Variants in TOP6BL observed in about 807,000 individuals in gnomAD.
TOP6BL encodes the protein type 2 DNA topoisomerase 6 subunit B-like.
At chr11:66,757,327 ACT>A in the TOP6BL span, among the ~76,000 whole-genome samples, 3 of 152,004 alleles carry the variant, frequency 2.0e-5, no homozygotes, top group Non-Finnish European at 2.9e-5. Flanking sequence ...TGGGCGACAG[ACT>A]CTGTCTCAGT....
chr11:66,782,997 T>C, the TOP6BL span, among the ~76,000 whole-genome samples: 1 of 152,168 alleles, frequency 6.6e-6, no homozygotes, highest in Admixed American at 6.5e-5. Flanking sequence ...TGAGGACTTG[T>C]AGATGGTAAA....
At chr11:66,798,103 G>A in the TOP6BL span, among the ~76,000 whole-genome samples, 1 of 152,106 alleles carries the variant, frequency 6.6e-6, no homozygotes, top group Non-Finnish European at 1.5e-5. Context: ...TTGAACTCAG[G>A]CAGTCTGGTT....
chr11:66,809,038 G>A, the TOP6BL span, among the ~76,000 whole-genome samples: 1 of 152,048 alleles, frequency 6.6e-6, no homozygotes, highest in Admixed American at 6.6e-5. Flanking sequence ...TCCGCCTCCC[G>A]GGTTCATGCC....
At chr11:66,761,933 C>A in the TOP6BL span, 1 of 1,470,258 alleles carries the variant, frequency 6.8e-7, no homozygotes, top group Non-Finnish European at 9.5e-7. Context: ...GAGTTGATAT[C>A]AATTCAGGGT....
chr11:66,746,629 G>A, the TOP6BL span, among the ~76,000 whole-genome samples: 10 of 152,122 alleles, frequency 6.6e-5, no homozygotes, highest in East Asian at 1.7e-3. Flanking sequence ...CAGGAGAATC[G>A]CTTGAACCCA....
the TOP6BL span, among the ~76,000 whole-genome samples, chr11:66,805,094 CGTG>C: frequency 6.6e-6 from 1 of 151,676 alleles, no homozygotes; most frequent in African/African-American, 2.4e-5. Context: ...TAAAGCCAGG[CGTG>C]GTGGTGTACG....
At chr11:66,843,158 T>C in the TOP6BL span, 1 of 1,611,036 alleles carries the variant, frequency 6.2e-7, no homozygotes, top group African/African-American at 1.3e-5. Flanking sequence ...CGGGCCCCCT[T>C]GTTCCCGCAG....
chr11:66,827,027 G>C, the TOP6BL span, among the ~76,000 whole-genome samples: 2 of 143,890 alleles, frequency 1.4e-5, no homozygotes, highest in Non-Finnish European at 3.0e-5. Context: ...TGTTGCCCAG[G>C]CTGGAGTGCA....
At chr11:66,747,925 A>G in the TOP6BL span, among the ~76,000 whole-genome samples, 1 of 152,186 alleles carries the variant, frequency 6.6e-6, no homozygotes, top group Non-Finnish European at 1.5e-5. Context: ...GGGCAGCATT[A>G]GCACTCTTAA....
the TOP6BL span, chr11:66,761,972 C>T: frequency 8.3e-6 from 13 of 1,565,546 alleles, no homozygotes; most frequent in African/African-American, 1.4e-5. Context: ...GCGAGGGTTC[C>T]TCCTCACCAT....
the TOP6BL span, among the ~76,000 whole-genome samples, chr11:66,814,817 A>G: frequency 3.3e-5 from 5 of 152,232 alleles, no homozygotes; most frequent in African/African-American, 1.2e-4. Flanking sequence ...AAGATGTAAT[A>G]GTATTAGGCC....
chr11:66,788,157 C>CAG, the TOP6BL span: 8 of 1,600,498 alleles, frequency 5.0e-6, no homozygotes, highest in Admixed American at 1.0e-4. Context: ...TCTTCTCACA[C>CAG]AGAAATACAG....
the TOP6BL span, chr11:66,843,296 G>T: frequency 6.3e-7 from 1 of 1,577,102 alleles, no homozygotes; most frequent in Non-Finnish European, 8.6e-7. Context: ...TTATCCCGTG[G>T]TTTAATAAAG....
At chr11:66,832,802 A>G in the TOP6BL span, among the ~76,000 whole-genome samples, 1 of 152,156 alleles carries the variant, frequency 6.6e-6, no homozygotes, top group Admixed American at 6.5e-5. Flanking sequence ...ATTAACATCA[A>G]CTTGAAGGTT....
chr11:66,756,986 C>T, the TOP6BL span, among the ~76,000 whole-genome samples: 1 of 146,406 alleles, frequency 6.8e-6, no homozygotes, highest in African/African-American at 2.5e-5. Flanking sequence ...GCTGGGATTA[C>T]AGGTGTGAAC....
chr11:66,839,042 C>T, the TOP6BL span: 32 of 439,196 alleles, frequency 7.3e-5, no homozygotes, highest in East Asian at 1.4e-3. Context: ...GGCACCATGT[C>T]ACTCTTAATG....
the TOP6BL span, among the ~76,000 whole-genome samples, chr11:66,781,434 T>C: frequency 6.6e-6 from 1 of 152,372 alleles, no homozygotes; most frequent in Admixed American, 6.5e-5. Flanking sequence ...TGACATTTCC[T>C]ATCAGTTCAC....
chr11:66,838,397 C>T, the TOP6BL span: 6 of 1,613,918 alleles, frequency 3.7e-6, no homozygotes, highest in Non-Finnish European at 5.1e-6. Flanking sequence ...GGACTCAGCC[C>T]AGGGCACTGA....
At chr11:66,827,082 A>G in the TOP6BL span, among the ~76,000 whole-genome samples, 2 of 150,778 alleles carry the variant, frequency 1.3e-5, no homozygotes, top group African/African-American at 4.9e-5. Context: ...CCCAGGTTCA[A>G]GCGATTCTCC....
Sources: allele counts gnomAD v4.1 joint callset (sites outside exome capture counted in the v4.1 genomes callset), GRCh38; gene constraint gnomAD v4.1.1; transcripts MANE v1.5; gene names NCBI Gene and HGNC (gene_info 2026-07-23, HGNC 2026-07-21).